AKAP10: variants seen among roughly 807,000 people sequenced by gnomAD.
AKAP10 encodes the protein A-kinase anchoring protein 10, also known as A-kinase anchor protein 10, mitochondrial.
In AKAP10, 24 loss-of-function variants were observed where a neutral mutation model predicts 80.8. The ratio of observed to expected loss-of-function variants is 0.30; its 90% CI spans 0.22 to 0.42. The LOEUF (loss-of-function observed/expected upper bound fraction) is 0.42. Ranked by LOEUF, AKAP10 falls within the 10% of genes least tolerant of loss-of-function variation. The pLI is 1.00. For missense variants in AKAP10, 661 were observed against 794.9 expected, an observed-to-expected ratio of 0.83 and a Z score of 2.03; for synonymous variants, 291 against 277.7, an observed-to-expected ratio of 1.05 and a Z score of -0.48.
At chr17:19,962,779 G>T in intron 3 of AKAP10, 61 bp downstream of exon 3, 2 of 1,520,390 alleles carry the variant, frequency 1.3e-6, no homozygotes, top group South Asian at 1.2e-5. Flanking sequence ...TATGACAGAA[G>T]TTTCACATAT....
At chr17:19,962,082 C>CGGT (rs1446916784) in intron 3 of AKAP10, among the ~76,000 whole-genome samples, 2 of 152,056 alleles carry the variant, frequency 1.3e-5, no homozygotes, top group Admixed American at 6.6e-5. Flanking sequence ...TACCACTGCA[C>CGGT]TCCAGCCTGG....
chr17:19,975,764 C>A (rs1019147919), intron 1 of AKAP10, among the ~76,000 whole-genome samples: 1 of 152,132 alleles, frequency 6.6e-6, no homozygotes, highest in Non-Finnish European at 1.5e-5. Flanking sequence ...CAGCACCTGG[C>A]AGACTCTGGA....
Position 19,957,870 on chromosome 17 carries a change from C to G in AKAP10, c.877+144G>C, listed in dbSNP as rs903996207. ...CATACACTGATCTGACTCTACTACA[C>G]TCTCCAAATTCTCCCAAATTTACAA... On this transcript the variant is annotated intron_variant, in intron 4 of 14. Transcript: ENST00000225737. The G allele has an allele frequency of 5.9e-6, 5 of 847,650 alleles. No homozygotes were observed. The African/African-American group carries it at 8.6e-5, about 15-fold the overall frequency. 52.5% of individuals were successfully genotyped at this position (847,650 alleles called of 1,614,324 possible).
intron 12 of AKAP10, among the ~76,000 whole-genome samples, chr17:19,919,384 A>C (rs1402074576): frequency 6.6e-6 from 1 of 152,178 alleles, no homozygotes; most frequent in Non-Finnish European, 1.5e-5. Context: ...AGGAAATTTA[A>C]TAAAAATAAT....
intron 14 of AKAP10, among the ~76,000 whole-genome samples, chr17:19,908,471 T>TG (rs1353171338): frequency 6.6e-6 from 1 of 152,096 alleles, no homozygotes; most frequent in Admixed American, 6.6e-5. Flanking sequence ...TACTAATTTC[T>TG]GGGGGGTTCT....
intron 1 of AKAP10, among the ~76,000 whole-genome samples, chr17:19,972,087 CAT>C (rs989744523): frequency 3.3e-5 from 5 of 152,206 alleles, no homozygotes; most frequent in African/African-American, 1.2e-4. Flanking sequence ...GCCTGGGCGA[CAT>C]AGACTGTCTC....
intron 10 of AKAP10, among the ~76,000 whole-genome samples, chr17:19,926,685 G>T (rs1010340310): frequency 6.6e-6 from 1 of 152,106 alleles, no homozygotes; most frequent in Non-Finnish European, 1.5e-5. Context: ...GAATCGAAAA[G>T]AACTTAAAAC....
intron 1 of AKAP10, among the ~76,000 whole-genome samples, chr17:19,970,786 G>T (rs2043485769): frequency 6.6e-6 from 1 of 151,442 alleles, no homozygotes; most frequent in African/African-American, 2.4e-5. Flanking sequence ...TTACACCACT[G>T]TACCCCAGCC....
In AKAP10 at chr17:19,971,822, T is replaced by G. The variant is rs1395170978; in HGVS notation, c.89-3361A>C. Among the ~76,000 whole-genome samples, 6 of 152,216 alleles carry G rather than the reference T, an allele frequency of 3.9e-5. 1 individual carries two copies. The highest frequency in any genetic ancestry group is 3.3e-4 in the Admixed American group (5 of 15,282). ...TGGAATTGCTAGGTAACAAATTATG[T>G]GCATTTTTTTCAGCCAGGAGCATTG... On this transcript the variant is annotated intron_variant, in intron 1 of 14. Transcript: ENST00000225737.
intron 4 of AKAP10, among the ~76,000 whole-genome samples, chr17:19,950,562 C>T (rs1297899480): frequency 1.3e-5 from 2 of 152,256 alleles, no homozygotes; most frequent in Non-Finnish European, 2.9e-5. Flanking sequence ...CTGCCTGCCT[C>T]GGCCTCCCGA....
rs1354927685 is a variant in AKAP10 at position 19,977,818 on chromosome 17, C to A, written c.-139G>T. The A allele has an allele frequency of 4.4e-6, 2 of 457,556 alleles. No individual in the cohort carries two copies. Among genetic ancestry groups the A allele is most frequent in the East Asian group, 7.1e-5 (2 of 28,318 alleles). The allele number at this position is 457,556 out of a possible 1,614,324, so 28.3% of individuals were successfully genotyped here. A position where few individuals can be genotyped will look rare whatever the true frequency, so the allele number is the denominator to read the frequency against. On this transcript the variant is annotated 5_prime_UTR_variant, in exon 1 of 15. Transcript: ENST00000225737. ...GCCGCCATATTATCAACAAGCCGCC[C>A]GCCCGGAGTTCCGGTCCTTCCCCGC... is the stretch of plus-strand genomic sequence containing the variant.
At chr17:19,949,620 T>C (rs2043175752) in intron 4 of AKAP10, among the ~76,000 whole-genome samples, 1 of 151,922 alleles carries the variant, frequency 6.6e-6, no homozygotes. Flanking sequence ...ATACAAAAAT[T>C]AGCTGGGCAT....
chr17:19,936,558 A>C, intron 8 of AKAP10, 128 bp from the exon 9 acceptor site: 1 of 885,304 alleles, frequency 1.1e-6, no homozygotes, highest in Non-Finnish European at 1.7e-6. Context: ...CTATAGAGCT[A>C]TGTGATGACA....
At chr17:19,909,396 T>G in intron 13 of AKAP10, 120 bp from the exon 14 acceptor site, 1 of 887,746 alleles carries the variant, frequency 1.1e-6, no homozygotes, top group Non-Finnish European at 1.6e-6. Flanking sequence ...GGATAAGAAT[T>G]TCATTCCCAT....
intron 3 of AKAP10, among the ~76,000 whole-genome samples, chr17:19,960,626 A>C (rs2152418050): frequency 6.6e-6 from 1 of 152,310 alleles, no homozygotes; most frequent in South Asian, 2.1e-4. Context: ...TTAAGCTGCT[A>C]TGAACATTTG....
At chr17:19,968,775 T>G (rs947861736) in intron 1 of AKAP10, among the ~76,000 whole-genome samples, 3 of 152,210 alleles carry the variant, frequency 2.0e-5, no homozygotes, top group Admixed American at 2.0e-4. Flanking sequence ...TCTCTGGGTC[T>G]TAATTTTCTT....
chr17:19,937,944 T>C (rs1330962334), intron 8 of AKAP10, among the ~76,000 whole-genome samples: 1 of 151,096 alleles, frequency 6.6e-6, no homozygotes, highest in Non-Finnish European at 1.5e-5. Context: ...ACCTGCAGAA[T>C]CAGAATTTCT....
At chr17:19,932,814 TTAAA>T (rs1320428201) in intron 9 of AKAP10, among the ~76,000 whole-genome samples, 2 of 152,142 alleles carry the variant, frequency 1.3e-5, no homozygotes, top group Non-Finnish European at 2.9e-5. Flanking sequence ...CAAATAATTC[TTAAA>T]TAAATGCCTA....
At chr17:19,925,172 A>AAAAAT (rs1335477395) in intron 10 of AKAP10, among the ~76,000 whole-genome samples, 5 of 152,222 alleles carry the variant, frequency 3.3e-5, no homozygotes, top group African/African-American at 7.2e-5. Context: ...TCAAAAACTA[A>AAAAAT]AAAATAAAAT....
Sources: allele counts gnomAD v4.1 joint callset (sites outside exome capture counted in the v4.1 genomes callset), GRCh38; gene constraint gnomAD v4.1.1; transcripts MANE v1.5; gene names NCBI Gene and HGNC (gene_info 2026-07-23, HGNC 2026-07-21).